Variants in EYA2 observed in about 807,000 individuals in gnomAD.
EYA2 encodes EYA transcriptional coactivator and phosphatase 2.
Under a neutral mutation model 69.2 loss-of-function variants are expected in EYA2, and 31 were observed. That is an observed-to-expected ratio of 0.45 (90% CI 0.34 to 0.60). The LOEUF is 0.60. Among genes scored for constraint, EYA2 ranks in the 20% least tolerant of loss-of-function variants. The pLI is 0.02. For missense variants in EYA2, 622 were observed against 701.2 expected (o/e 0.89, Z 1.28); for synonymous variants, 257 against 279.4 (o/e 0.92, Z 0.80).
At chr20:47,095,645 C>T (rs2032225493) in intron 8 of EYA2, among the ~76,000 whole-genome samples, 1 of 152,044 alleles carries the variant, frequency 6.6e-6, no homozygotes, top group Admixed American at 6.5e-5. Flanking sequence ...CCAGATTTCT[C>T]ATCAGTGACC....
At chr20:46,911,011 G>T (rs1348321387) in intron 1 of EYA2, among the ~76,000 whole-genome samples, 1 of 152,170 alleles carries the variant, frequency 6.6e-6, no homozygotes, top group Non-Finnish European at 1.5e-5. Context: ...CCGAGGTTCA[G>T]GTTAGTTACC....
chr20:47,108,803 C>A (rs367893728), intron 9 of EYA2, among the ~76,000 whole-genome samples: 9 of 152,040 alleles, frequency 5.9e-5, no homozygotes, highest in African/African-American at 2.2e-4. Context: ...GATCCTCCCC[C>A]CTCAGCTTTC....
At chr20:46,990,245 A>ATTAT (rs1981566887) in intron 2 of EYA2, 126 bp downstream of exon 2, 5 of 525,284 alleles carry the variant, frequency 9.5e-6, no homozygotes, top group African/African-American at 1.9e-5. Flanking sequence ...TCCCCCTGCC[A>ATTAT]TTTAAATGCT....
At chr20:47,072,025 G>C (rs1017340758) in intron 5 of EYA2, 160 bp from the exon 6 acceptor site, 3 of 685,894 alleles carry the variant, frequency 4.4e-6, no homozygotes, top group Admixed American at 4.5e-5. Context: ...GGGTTGCTTT[G>C]GGAACGCTGG....
At chr20:47,062,356 C>A (rs1032446862) in intron 5 of EYA2, among the ~76,000 whole-genome samples, 1 of 152,098 alleles carries the variant, frequency 6.6e-6, no homozygotes, top group African/African-American at 2.4e-5. Flanking sequence ...TTGAACAGGC[C>A]CCTCTGGAGT....
intron 5 of EYA2, among the ~76,000 whole-genome samples, chr20:47,060,359 C>G (rs906163081): frequency 6.6e-6 from 1 of 152,170 alleles, no homozygotes; most frequent in Admixed American, 6.6e-5. Flanking sequence ...GCTTCATGGC[C>G]CAACATGGCT....
chr20:46,963,328 C>T (rs1234827707), intron 1 of EYA2, among the ~76,000 whole-genome samples: 3 of 152,226 alleles, frequency 2.0e-5, no homozygotes, highest in African/African-American at 7.2e-5. Flanking sequence ...CACCACAGGG[C>T]CTGCTGTAGA....
At chr20:47,143,986 T>G (rs533116397) in intron 10 of EYA2, among the ~76,000 whole-genome samples, 1 of 152,358 alleles carries the variant, frequency 6.6e-6, no homozygotes, top group African/African-American at 2.4e-5. Flanking sequence ...GAAGGGGTTT[T>G]GGCTGATAAA....
intron 1 of EYA2, among the ~76,000 whole-genome samples, chr20:46,932,047 G>T (rs1041959874): frequency 6.6e-6 from 1 of 151,310 alleles, no homozygotes; most frequent in Non-Finnish European, 1.5e-5. Flanking sequence ...GCTGCCCAGC[G>T]CTCCTAGCCG....
intron 1 of EYA2, among the ~76,000 whole-genome samples, chr20:46,988,172 G>A (rs1369139979): frequency 2.1e-5 from 3 of 140,998 alleles, no homozygotes; most frequent in Admixed American, 7.4e-5. Context: ...TTTTTATAAG[G>A]TACTTGAGCA....
chr20:47,093,655 C>A (rs1228361370), intron 8 of EYA2, among the ~76,000 whole-genome samples: 2 of 152,252 alleles, frequency 1.3e-5, no homozygotes, highest in Non-Finnish European at 2.9e-5. Context: ...TAGCTTCATT[C>A]CCTCTCTGGG....
intron 9 of EYA2, among the ~76,000 whole-genome samples, chr20:47,129,576 C>G (rs1203845587): frequency 6.6e-6 from 1 of 152,112 alleles, no homozygotes; most frequent in East Asian, 1.9e-4. Context: ...CTCAGAGGGC[C>G]AGGGGAAGCC....
intron 4 of EYA2, among the ~76,000 whole-genome samples, chr20:47,015,928 C>T (rs972000985): frequency 3.9e-5 from 6 of 152,192 alleles, no homozygotes; most frequent in South Asian, 2.1e-4. Context: ...AAAAAGAAGC[C>T]GTAAGTCCAG....
intron 8 of EYA2, among the ~76,000 whole-genome samples, chr20:47,095,414 T>C (rs2032219168): frequency 6.6e-6 from 1 of 151,878 alleles, no homozygotes; most frequent in African/African-American, 2.4e-5. Flanking sequence ...TGGGAGAAAA[T>C]TATTAAAAGA....
At chr20:46,978,809 T>TGGAGGTGAACTTTATAA (rs1980627345) in intron 1 of EYA2, among the ~76,000 whole-genome samples, 2 of 152,134 alleles carry the variant, frequency 1.3e-5, no homozygotes, top group African/African-American at 4.8e-5. Context: ...TTATAAGGCC[T>TGGAGGTGAACTTTATAA]GGAGATGGAT....
intron 9 of EYA2, among the ~76,000 whole-genome samples, chr20:47,130,104 C>T (rs1405288533): frequency 6.6e-6 from 1 of 151,496 alleles, no homozygotes; most frequent in Non-Finnish European, 1.5e-5. Context: ...TTTCCTAAAG[C>T]AGATTTCAAC....
chr20:47,113,915 G>A (rs147098271), intron 9 of EYA2, among the ~76,000 whole-genome samples: 14 of 151,894 alleles, frequency 9.2e-5, no homozygotes, highest in Non-Finnish European at 1.9e-4. Flanking sequence ...TGTGCTTCTG[G>A]GGTTTCTTAT....
At chr20:47,123,342 A>G (rs961873060) in intron 9 of EYA2, among the ~76,000 whole-genome samples, 3 of 152,138 alleles carry the variant, frequency 2.0e-5, no homozygotes, top group Non-Finnish European at 4.4e-5. Flanking sequence ...GAAACTATAT[A>G]TTATTATTAA....
chr20:47,050,950 T>C (rs908410628), intron 5 of EYA2, among the ~76,000 whole-genome samples: 1 of 152,254 alleles, frequency 6.6e-6, no homozygotes, highest in African/African-American at 2.4e-5. Flanking sequence ...TTACGAGGCA[T>C]TCGAGCATTG....
Sources: allele counts gnomAD v4.1 joint callset (sites outside exome capture counted in the v4.1 genomes callset), GRCh38; gene constraint gnomAD v4.1.1; transcripts MANE v1.5; gene names NCBI Gene and HGNC (gene_info 2026-07-23, HGNC 2026-07-21).